The following GUSB variants were observed in gnomAD, a reference collection of about 807,000 sequenced individuals.
GUSB encodes glucuronidase beta.
Under a neutral mutation model 74.6 loss-of-function variants are expected in GUSB, and 51 were observed. The observed-to-expected ratio is 0.68, with a 90% CI of 0.55 to 0.86. The LOEUF (loss-of-function observed/expected upper bound fraction) is 0.86, where lower values mean the gene tolerates loss of function less well. Ranked by LOEUF, GUSB falls within the 40% of genes least tolerant of loss-of-function variation. The pLI is 0.00. For missense variants in GUSB, 736 were observed against 853.7 expected (o/e 0.86, Z 1.72); for synonymous variants, 360 against 348.3 (o/e 1.03, Z -0.37).
At chr7:65,964,857 C>T (rs1413332052) in intron 10 of GUSB, among the ~76,000 whole-genome samples, 1 of 151,944 alleles carries the variant, frequency 6.6e-6, no homozygotes, top group Non-Finnish European at 1.5e-5. Context: ...CTGCTTGAGC[C>T]CAGGTGTTCA....
At chr7:65,976,294 C>T in intron 4 of GUSB, 92 bp from the exon 5 acceptor site, 1 of 854,268 alleles carries the variant, frequency 1.2e-6, no homozygotes, top group Non-Finnish European at 1.9e-6. Context: ...GCCAGGCAGC[C>T]ATTTGTTTCT....
Position 65,967,911 on chromosome 7 carries a change from G to C in GUSB, c.1477-4C>G, listed in dbSNP as rs1429001852. 8.1e-6 allele frequency: 13 copies of C among 1,599,290 alleles called. No homozygotes were observed. The highest frequency in any genetic ancestry group is 1.1e-5 in the Non-Finnish European group (13 of 1,179,308). ...AGATCACATCCACATACGGAGCCTA[G>C]GACCAGAGCAGCAGAGCCCGTTCAG... On this transcript the variant is annotated splice_region_variant and splice_polypyrimidine_tract_variant and intron_variant, in intron 9 of 11. Coordinates refer to ENST00000304895, the MANE Select transcript of GUSB (RefSeq NM_000181.4).
chr7:65,981,902 C>A, intron 1 of GUSB, 72 bp downstream of exon 1: 7 of 1,319,330 alleles, frequency 5.3e-6, no homozygotes, highest in South Asian at 1.3e-5. Flanking sequence ...AAGAAGTCTG[C>A]GGGGGGCCCG....
At chr7:65,980,753 TG>T in intron 1 of GUSB, 2 of 390,338 alleles carry the variant, frequency 5.1e-6, no homozygotes, top group East Asian at 6.1e-5. Context: ...GTTGGAGGAA[TG>T]GGGGGAGCTT....
At chr7:65,971,944 C>T (rs551293839) in intron 8 of GUSB, among the ~76,000 whole-genome samples, 7 of 151,600 alleles carry the variant, frequency 4.6e-5, no homozygotes, top group Non-Finnish European at 5.9e-5. Flanking sequence ...GAGGCTGAGG[C>T]GGGAGAATCA....
At chr7:65,971,303 A>G (rs945376848) in intron 8 of GUSB, among the ~76,000 whole-genome samples, 3 of 152,220 alleles carry the variant, frequency 2.0e-5, no homozygotes, top group Non-Finnish European at 4.4e-5. Flanking sequence ...GTGGAGACGC[A>G]TGCAGAGAAA....
At chr7:65,973,656 C>T (rs970816288) in intron 8 of GUSB, among the ~76,000 whole-genome samples, 1 of 152,150 alleles carries the variant, frequency 6.6e-6, no homozygotes, top group Non-Finnish European at 1.5e-5. Flanking sequence ...ACTCGGGAGG[C>T]TGAGGCTGGA....
chr7:65,973,925 C>A (rs921531411), intron 8 of GUSB, among the ~76,000 whole-genome samples: 1 of 151,034 alleles, frequency 6.6e-6, no homozygotes, highest in African/African-American at 2.4e-5. Flanking sequence ...GAGTGAGAAC[C>A]CATTTTGAAA....
rs914509675 is a variant in GUSB, at chr7:65,980,516, G to C, written c.211-107C>G. ...CCTAGCACAAGCCCTGACACATAGC[G>C]GGGATTCTTGGCAGAAAGGACAGAT... On this transcript the variant is annotated intron_variant, in intron 1 of 11. Transcript: ENST00000304895. The C allele has an allele frequency of 3.0e-6, 3 of 993,522 alleles. No homozygotes were observed. The East Asian group carries it at 7.8e-5, about 26-fold the overall frequency. 61.5% of individuals were successfully genotyped at this position (993,522 alleles called of 1,614,324 possible). A position where few individuals can be genotyped will look rare whatever the true frequency, so the allele number is the denominator to read the frequency against.
rs540550301 is a variant in GUSB, at chr7:65,977,964, C to T, written c.724+1435G>A. Among the ~76,000 whole-genome samples, 127 of 151,934 alleles carry T rather than the reference C, an allele frequency of 8.4e-4. 1 individual carries two copies. In the South Asian group the frequency reaches 0.012, roughly 15 times the overall value. ...TCGCTGGGACTACAGGCCCCTGCCA[C>T]CATGCCCGGCTAATTTTTTGCATTT... On this transcript the variant is annotated intron_variant, in intron 4 of 11. Coordinates refer to ENST00000304895, the MANE Select transcript of GUSB (RefSeq NM_000181.4).
At chr7:65,978,780 A>G (rs550440102) in intron 4 of GUSB, among the ~76,000 whole-genome samples, 240 of 152,136 alleles carry the variant, frequency 1.6e-3, no homozygotes, top group Middle Eastern at 6.8e-3. Context: ...CAAAAAAAAA[A>G]AAGAAGAAAA....
rs778102597 is a variant in GUSB at position 65,979,775 on chromosome 7, G to A, written c.533C>T (p.Pro178Leu). Reference protein sequence around the residue: ...ITIAINNTLTPTTLPPGTIQY... With the variant: ...ITIAINNTLTLTTLPPGTIQY... Reference sequence around the variant, plus strand: ...GATGGTCCCTGGTGGCAGGGTGGTGGGGGTGAGTGTGTTGTTGATGGCGAT... The same window carrying A: ...GATGGTCCCTGGTGGCAGGGTGGTGAGGGTGAGTGTGTTGTTGATGGCGAT... Residue 178 changes from proline (P) to leucine (L), a missense_variant, in exon 3 of 12, where the codon CCC becomes CTC. Coordinates refer to ENST00000304895, the MANE Select transcript of GUSB (RefSeq NM_000181.4). 1.2e-6 allele frequency: 2 copies of A among 1,613,842 alleles called. No individual in the cohort carries two copies.
At chr7:65,963,872 C>T (rs1790660348) in intron 11 of GUSB, among the ~76,000 whole-genome samples, 1 of 152,142 alleles carries the variant, frequency 6.6e-6, no homozygotes, top group African/African-American at 2.4e-5. Context: ...CTGCCAAATT[C>T]AAGATGCGTT....
At chr7:65,964,020 T>G in intron 11 of GUSB, 2 of 424,570 alleles carry the variant, frequency 4.7e-6, no homozygotes, top group Non-Finnish European at 4.4e-6. Context: ...TGAGGTCCCG[T>G]TTTTCGTTCC....
intron 10 of GUSB, 47 bp downstream of exon 10, chr7:65,967,684 T>C (rs1426792140): frequency 6.6e-7 from 1 of 1,516,184 alleles, no homozygotes; most frequent in South Asian, 1.1e-5. Flanking sequence ...GTGAGTGACA[T>C]CTCTGCCCTG....
intron 11 of GUSB, among the ~76,000 whole-genome samples, chr7:65,962,076 T>A (rs1000541273): frequency 6.6e-6 from 1 of 152,124 alleles, no homozygotes; most frequent in African/African-American, 2.4e-5. Flanking sequence ...CCCAGCTGTC[T>A]GGTAACTGGG....
chr7:65,961,167 T>A, intron 11 of GUSB, 104 bp from the exon 12 acceptor site: 1 of 1,127,818 alleles, frequency 8.9e-7, no homozygotes, highest in Non-Finnish European at 1.3e-6. Flanking sequence ...AATGTCTTTT[T>A]TTTTCTTTTT....
At chr7:65,980,658 G>A (rs1791948381) in intron 1 of GUSB, 1 of 538,208 alleles carries the variant, frequency 1.9e-6, no homozygotes, top group Non-Finnish European at 3.4e-6. Context: ...AGCAAGCCCA[G>A]GGCCACATCC....
intron 11 of GUSB, 99 bp from the exon 12 acceptor site, chr7:65,961,162 CTTTTT>C: frequency 8.7e-7 from 1 of 1,153,692 alleles, no homozygotes; most frequent in South Asian, 1.3e-5. Flanking sequence ...ATAGAAATGT[CTTTTT>C]TTTTCTTTTT....
Sources: allele counts gnomAD v4.1 joint callset (sites outside exome capture counted in the v4.1 genomes callset), GRCh38; gene constraint gnomAD v4.1.1; transcripts MANE v1.5; gene names NCBI Gene and HGNC (gene_info 2026-07-23, HGNC 2026-07-21).